SCML2: variants seen among roughly 807,000 people sequenced by gnomAD.
The protein encoded by SCML2 is sex comb on midleg-like protein 2.
In SCML2, 6 loss-of-function variants were observed where a neutral mutation model predicts 48.4. The ratio of observed to expected loss-of-function variants is 0.12; its 90% confidence interval spans 0.07 to 0.24. The LOEUF (loss-of-function observed/expected upper bound fraction) is 0.24, where lower values mean the gene tolerates loss of function less well. Among genes scored for constraint, SCML2 ranks in the 10% least tolerant of loss-of-function variants. The pLI is 1.00. For synonymous variants in SCML2, 181 were observed against 189.5 expected, an observed-to-expected ratio of 0.95 and a Z score of 0.37; for missense variants, 377 against 528.2, an observed-to-expected ratio of 0.71 and a Z score of 2.81.
At chrX:18,337,473 A>G (rs1347715946) in intron 1 of SCML2, among the ~76,000 whole-genome samples, 1 of 109,659 alleles carries the variant, frequency 9.1e-6, no homozygotes, top group Non-Finnish European at 1.9e-5. Flanking sequence ...TAGCTATACT[A>G]ATTTCGGACA....
Position 18,242,815 on chromosome X carries a change from G to A in SCML2, c.1823-225C>T, listed in dbSNP as rs116633299. ...CCAAACAACAAAAGCAGGTTCAGAC[G>A]TTACCTTAAAGCTTCAAAGATCACA... On this transcript the variant is annotated intron_variant, in intron 13 of 14. Coordinates refer to ENST00000251900, the MANE Select transcript of SCML2 (RefSeq NM_006089.3). 4.7e-3 allele frequency among the ~76,000 whole-genome samples: 519 copies of A among 111,457 alleles called. 1 individual carries two copies. The highest frequency in any genetic ancestry group is 0.016 in the African/African-American group (491 of 30,715).
intron 7 of SCML2, among the ~76,000 whole-genome samples, chrX:18,281,443 G>T (rs1022163102): frequency 8.9e-6 from 1 of 112,123 alleles, no homozygotes; most frequent in Non-Finnish European, 1.9e-5. Flanking sequence ...CAAGCACAGT[G>T]ACTCCGGCCT....
chrX:18,309,887 G>A (rs775960956), intron 6 of SCML2, among the ~76,000 whole-genome samples: 2 of 111,044 alleles, frequency 1.8e-5, no homozygotes, highest in South Asian at 3.8e-4. Flanking sequence ...TAATCTATCC[G>A]TATTACAAAC....
intron 11 of SCML2, among the ~76,000 whole-genome samples, chrX:18,250,815 C>T (rs1173867824): frequency 9.0e-6 from 1 of 111,094 alleles, no homozygotes; most frequent in Admixed American, 9.6e-5. Flanking sequence ...ATACTGGAGA[C>T]TGGGTAATTT....
At chrX:18,313,465 T>C (rs1929025376) in intron 6 of SCML2, among the ~76,000 whole-genome samples, 1 of 111,457 alleles carries the variant, frequency 9.0e-6, no homozygotes, top group South Asian at 3.8e-4. Flanking sequence ...TCCCCAACCA[T>C]GTGGAACTGT....
rs556206576 is a variant in SCML2, at chrX:18,249,798, A to G, written c.1457-1916T>C. Among the ~76,000 whole-genome samples, 6 of 111,488 alleles carry G rather than the reference A, an allele frequency of 5.4e-5. No homozygotes were observed. The South Asian group carries it at 1.9e-3, about 35-fold the overall frequency. On this transcript the variant is annotated intron_variant, in intron 11 of 14. Transcript: ENST00000251900. ...TCTGGCTGACCTTGAGGCTCTGCAC[A>G]AGGTTGACTTACAAGCTGCCTCTTG...
intron 5 of SCML2, among the ~76,000 whole-genome samples, chrX:18,321,467 T>C (rs16980777): frequency 0.22 from 23,601 of 109,259 alleles, 1,994 homozygotes; most frequent in Middle Eastern, 0.34. Context: ...ACATGAATCA[T>C]TGGCAATGGG....
chrX:18,303,856 C>T (rs987480594), intron 7 of SCML2, among the ~76,000 whole-genome samples: 1 of 111,990 alleles, frequency 8.9e-6, no homozygotes, highest in Admixed American at 9.5e-5. Flanking sequence ...TCCCGAATTA[C>T]AGATGATTCT....
In SCML2 at chrX:18,256,951, G is replaced by A; in HGVS notation, c.1353C>T (p.Asn451=). ...TATCACACTGCAGACTGTGGCAGAAGTTCTCAAGAAAGCGAAGAGCAAATG... is the reference window on the plus strand; with the variant it reads ...TATCACACTGCAGACTGTGGCAGAAATTCTCAAGAAAGCGAAGAGCAAATG... The part of the protein sequence containing the change: ...SASFALRFLE[N]FCHSLQCDNL... Residue 451 remains asparagine, a synonymous_variant, in exon 11 of 15, where the codon AAC becomes AAT. Coordinates refer to ENST00000251900, the MANE Select transcript of SCML2 (RefSeq NM_006089.3). 1 of 1,208,701 alleles carries A rather than the reference G, an allele frequency of 8.3e-7. No individual in the cohort carries two copies. The highest frequency in any genetic ancestry group is 2.2e-5 in the Admixed American group (1 of 45,739).
intron 7 of SCML2, among the ~76,000 whole-genome samples, chrX:18,291,686 G>A (rs954098196): frequency 4.5e-5 from 5 of 110,694 alleles, no homozygotes; most frequent in Admixed American, 2.9e-4. Context: ...AAAGTTGAGA[G>A]CAAACATTTC....
intron 6 of SCML2, among the ~76,000 whole-genome samples, chrX:18,314,726 AAG>A (rs1929058946): frequency 8.9e-6 from 1 of 112,100 alleles, no homozygotes; most frequent in Admixed American, 9.5e-5. Context: ...ACAGTCCAGG[AAG>A]AGAGACAGTA....
intron 3 of SCML2, among the ~76,000 whole-genome samples, chrX:18,328,873 C>T (rs760739216): frequency 9.0e-6 from 1 of 111,621 alleles, no homozygotes; most frequent in Non-Finnish European, 1.9e-5. Flanking sequence ...ATGTTAGGGC[C>T]CAGGCCTGAG....
At chrX:18,341,991 T>C (rs1602150783) in intron 1 of SCML2, among the ~76,000 whole-genome samples, 1 of 111,813 alleles carries the variant, frequency 8.9e-6, no homozygotes, top group East Asian at 2.8e-4. Context: ...GTGTCTCAAA[T>C]AGAAAAATAT....
intron 13 of SCML2, among the ~76,000 whole-genome samples, chrX:18,245,082 A>C (rs902578821): frequency 8.9e-6 from 1 of 111,787 alleles, no homozygotes; most frequent in African/African-American, 3.3e-5. Flanking sequence ...CTTACCTGAA[A>C]ATGCTTACCA....
At chrX:18,315,742 C>A (rs1398784825) in intron 6 of SCML2, among the ~76,000 whole-genome samples, 2 of 111,848 alleles carry the variant, frequency 1.8e-5, no homozygotes, top group African/African-American at 3.3e-5. Context: ...TCCTTGTGGC[C>A]AAGGATAAGT....
At chrX:18,311,845 T>C (rs1928959311) in intron 6 of SCML2, among the ~76,000 whole-genome samples, 1 of 111,961 alleles carries the variant, frequency 8.9e-6, no homozygotes, top group Admixed American at 9.5e-5. Flanking sequence ...GACTGGAGTG[T>C]AGTGTCGCAA....
chrX:18,292,561 C>A (rs1928266166), intron 7 of SCML2, among the ~76,000 whole-genome samples: 1 of 110,459 alleles, frequency 9.1e-6, no homozygotes, highest in African/African-American at 3.3e-5. Flanking sequence ...CACAATAACC[C>A]CTTTTCAAAC....
At position 18,264,431 on chromosome X, in the gene SCML2, T is replaced by TTGTGTGTGTGTGTGTG. The variant is rs149069692; in HGVS notation, c.948+1138_948+1153dup. On this transcript the variant is annotated intron_variant, in intron 8 of 14. Transcript: ENST00000251900. The stretch of plus-strand genomic sequence containing the variant: ...AAGATGGTCTTTTTAATCAGTACGA[T>TTGTGTGTGTGTGTGTG]TGTGTGTGTGTGTGTGTGTGTGTGT... 2.4e-5 allele frequency among the ~76,000 whole-genome samples: 2 copies of TTGTGTGTGTGTGTGTG among 83,919 alleles called. 1 individual carries two copies. The highest frequency in any genetic ancestry group is 4.7e-5 in the Non-Finnish European group (2 of 42,749). The allele number at this position is 83,919 out of a possible 115,157, so 72.9% of individuals were successfully genotyped here.
chrX:18,244,719 T>A (rs1386576255), intron 13 of SCML2, among the ~76,000 whole-genome samples: 1 of 110,445 alleles, frequency 9.1e-6, no homozygotes, highest in Non-Finnish European at 1.9e-5. Flanking sequence ...AGAATAAATA[T>A]AATGAAAGTA....
Sources: gnomAD v4.1 joint callset for allele counts (sites outside exome capture counted in the v4.1 genomes callset) on GRCh38, gnomAD v4.1.1 for gene constraint, MANE v1.5 for transcripts, NCBI Gene and HGNC (gene_info 2026-07-23, HGNC 2026-07-21) for gene names.